Variants in FCRL2 observed in about 807,000 individuals in gnomAD.
FCRL2 encodes the protein Fc receptor like 2.
A neutral mutation model predicts 59.8 loss-of-function variants in FCRL2; 48 were observed. That is an observed-to-expected ratio of 0.80 (90% CI 0.64 to 1.02). FCRL2 has a LOEUF of 1.02. Among genes scored for constraint, FCRL2 ranks in the 50% least tolerant of loss-of-function variants. The pLI, the probability that FCRL2 is intolerant of heterozygous loss-of-function variation, is 0.00. For synonymous variants in FCRL2, 251 were observed against 229.5 expected (o/e 1.09, Z -0.85); for missense variants, 658 against 597.3 (o/e 1.10, Z -1.06).
chr1:157,774,553 C>T lies in FCRL2; in HGVS notation c.52+1222G>A, dbSNP rs112906142. 4,143 of 443,536 alleles carry T rather than the reference C, an allele frequency of 9.3e-3. 28 individuals are homozygous for T. The highest frequency in any genetic ancestry group is 0.013 in the Admixed American group (539 of 41,220). The allele number at this position is 443,536 out of a possible 1,614,324, so 27.5% of individuals were successfully genotyped here. Reference sequence around the variant, plus strand: ...GAAAGAGAATGAAGTGGCTGTTGCCCTGTTCTCTGAATGGTCGTAGGTGAT... The same window carrying T: ...GAAAGAGAATGAAGTGGCTGTTGCCTTGTTCTCTGAATGGTCGTAGGTGAT... On this transcript the variant is annotated intron_variant, in intron 2 of 11. Coordinates refer to ENST00000361516, the MANE Select transcript of FCRL2 (RefSeq NM_030764.4).
At chr1:157,756,618 G>T (rs1006722857) in intron 7 of FCRL2, among the ~76,000 whole-genome samples, 3 of 150,658 alleles carry the variant, frequency 2.0e-5, no homozygotes, top group Non-Finnish European at 4.4e-5. Context: ...CATCAAGCCC[G>T]CAGTGAGCCA....
In FCRL2 at chr1:157,770,593, C is replaced by T. The variant is rs763700453; in HGVS notation, c.126G>A (p.Gln42=). 5.0e-6 allele frequency: 8 copies of T among 1,614,056 alleles called. No homozygotes were observed. In the African/African-American group the frequency reaches 9.3e-5, roughly 19 times the overall value. Residue 42 remains glutamine (Q), a synonymous_variant, in exon 3 of 12, where the codon CAG becomes CAA. Coordinates refer to ENST00000361516, the MANE Select transcript of FCRL2 (RefSeq NM_030764.4). ...AAGCCATCTTCTGAATTTTCCAGTT[C>T]TGTTCTCCCTGGCATTTCAGAACGA... is the stretch of plus-strand genomic sequence containing the variant. ...DSIVLKCQGE[Q]NWKIQKMAYH... is the part of the protein sequence containing the mutation.
Position 157,766,845 on chromosome 1 carries a change from T to C in FCRL2, c.1279+10A>G. ...AGCAAAATATGGAGAATCCAAATGG[T>C]AGATACAACCTGATATCTTGTGGAA... On this transcript the variant is annotated intron_variant, in intron 7 of 11. Transcript: ENST00000361516. 3 of 1,614,130 alleles carry C rather than the reference T, an allele frequency of 1.9e-6. No individual in the cohort carries two copies. The highest frequency in any genetic ancestry group is 2.5e-6 in the Non-Finnish European group (3 of 1,180,012).
At position 157,745,863 on chromosome 1, in the gene FCRL2, C is replaced by T. The variant is rs1348295322; in HGVS notation, c.*873G>A. 6.6e-6 allele frequency: 1 copy of T among 152,148 alleles called. No homozygotes were observed. The highest frequency in any genetic ancestry group is 1.9e-4 in the East Asian group (1 of 5,198). 9.4% of individuals were successfully genotyped at this position (152,148 alleles called of 1,614,324 possible). On this transcript the variant is annotated 3_prime_UTR_variant, in exon 12 of 12. Coordinates refer to ENST00000361516, the MANE Select transcript of FCRL2 (RefSeq NM_030764.4). ...GCATACTTTGGTGATATTGCAGGTT[C>T]AGTTCCAGACTACCAAAATAAAACA...
Position 157,755,073 on chromosome 1 carries a change from A to G in FCRL2, c.1280-5396T>C, listed in dbSNP as rs56175254. 7.7e-3 allele frequency among the ~76,000 whole-genome samples: 1,175 copies of G among 152,322 alleles called. 15 individuals are homozygous for G. Among genetic ancestry groups the G allele is most frequent in the Non-Finnish European group, 0.012 (783 of 68,028 alleles). ...AAACCTAGAACCCATAAAAGAAGAT[A>G]CTGATAAGTTAGACCACATAACAAT... is the stretch of plus-strand genomic sequence containing the variant. On this transcript the variant is annotated intron_variant, in intron 7 of 11. Coordinates refer to ENST00000361516, the MANE Select transcript of FCRL2 (RefSeq NM_030764.4).
In FCRL2 at chr1:157,768,093, G is replaced by A. The variant is rs185147785; in HGVS notation, c.883+321C>T. ...AAGGAGATGACATAAAATGAAGCAG[G>A]CTGTTACCACTATGAACCTTTTAGA... is the stretch of plus-strand genomic sequence containing the variant. On this transcript the variant is annotated intron_variant, in intron 5 of 11. Coordinates refer to ENST00000361516, the MANE Select transcript of FCRL2 (RefSeq NM_030764.4). 13 of 269,306 alleles carry A rather than the reference G, an allele frequency of 4.8e-5. No individual in the cohort carries two copies. The East Asian group carries it at 1.1e-3, about 22-fold the overall frequency. The allele number at this position is 269,306 out of a possible 1,614,324, so 16.7% of individuals were successfully genotyped here.
At chr1:157,762,387 A>G (rs935287542) in intron 7 of FCRL2, among the ~76,000 whole-genome samples, 7 of 152,258 alleles carry the variant, frequency 4.6e-5, no homozygotes, top group Admixed American at 1.3e-4. Context: ...TGCCTGGCCC[A>G]GCATAGCCAC....
chr1:157,776,938 A>G lies in FCRL2; in HGVS notation c.31+105T>C. The stretch of plus-strand genomic sequence containing the variant: ...AAGCCCAAGCTGCAGGCAGGACCTG[A>G]GCATCCCCACCAGTCCCTGGGCTCC... On this transcript the variant is annotated intron_variant, in intron 1 of 11. Transcript: ENST00000361516. The G allele has an allele frequency of 2.7e-6, 3 of 1,095,644 alleles. No individual in the cohort carries two copies. In the African/African-American group the frequency reaches 4.6e-5, roughly 17 times the overall value. The allele number at this position is 1,095,644 out of a possible 1,614,324, so 67.9% of individuals were successfully genotyped here.
chr1:157,775,865 T>C, intron 1 of FCRL2, 70 bp from the exon 2 acceptor site: 1 of 1,534,944 alleles, frequency 6.5e-7, no homozygotes, highest in Non-Finnish European at 8.9e-7. Flanking sequence ...TTTATATTAC[T>C]CTGGTAAATT....
At chr1:157,766,075 T>A (rs367908771) in intron 7 of FCRL2, among the ~76,000 whole-genome samples, 2 of 152,128 alleles carry the variant, frequency 1.3e-5, no homozygotes, top group African/African-American at 2.4e-5. Flanking sequence ...CTTCTTATGA[T>A]CTATATCATG....
intron 7 of FCRL2, among the ~76,000 whole-genome samples, chr1:157,765,653 A>G (rs1008612356): frequency 6.6e-6 from 1 of 152,144 alleles, no homozygotes; most frequent in Non-Finnish European, 1.5e-5. Context: ...TGCTTTTGAC[A>G]GTGTTGTGGG....
In FCRL2 at chr1:157,770,031, A is replaced by G; in HGVS notation, c.430T>C (p.Cys144Arg). 6.2e-7 allele frequency: 1 copy of G among 1,614,224 alleles called. No individual in the cohort carries two copies. Among genetic ancestry groups the G allele is most frequent in the Non-Finnish European group, 8.5e-7 (1 of 1,180,030 alleles). The change falls in exon 4 of 12, where the codon TGC becomes CGC. Residue 144 changes from cysteine (C) to arginine (R), a missense_variant. Transcript: ENST00000361516. ...PQRLDVQLQF[C>R]FFRENQVLGS... ...AGGACCTGGTTTTCTCTGAAGAAGC[A>G]GAACTGGAGTTGAACATCCAACCTC...
chr1:157,766,623 T>G, intron 7 of FCRL2: 1 of 546,892 alleles, frequency 1.8e-6, no homozygotes, highest in Non-Finnish European at 3.0e-6. Flanking sequence ...GGAAAGAATG[T>G]GTAAATAATT....
intron 1 of FCRL2, 61 bp downstream of exon 1, chr1:157,776,982 T>C: frequency 6.6e-7 from 1 of 1,513,158 alleles, no homozygotes; most frequent in Non-Finnish European, 9.2e-7. Flanking sequence ...CTCCAACCTT[T>C]TGGGAGCAGT....
At chr1:157,765,082 C>A (rs771638384) in intron 7 of FCRL2, among the ~76,000 whole-genome samples, 1 of 151,862 alleles carries the variant, frequency 6.6e-6, no homozygotes, top group Non-Finnish European at 1.5e-5. Flanking sequence ...CTAGACTAGC[C>A]AAGAAAAGAA....
intron 9 of FCRL2, 63 bp downstream of exon 9, chr1:157,748,812 C>T (rs541279417): frequency 3.4e-5 from 51 of 1,513,414 alleles, no homozygotes; most frequent in South Asian, 1.7e-4. Flanking sequence ...TAATGGTCTC[C>T]GCTCCTGTCT....
Position 157,770,588 on chromosome 1 carries a change from C to G in FCRL2, c.131G>C (p.Trp44Ser). 6.2e-7 allele frequency: 1 copy of G among 1,614,154 alleles called. No individual in the cohort carries two copies. The highest frequency in any genetic ancestry group is 8.5e-7 in the Non-Finnish European group (1 of 1,180,018). The change falls in exon 3 of 12, where the codon TGG becomes TCG. Residue 44 changes from tryptophan to serine, a missense_variant. Physicochemically the swap from Trp to Ser is radical, Grantham distance 177. Transcript: ENST00000361516. ...ATGGTAAGCCATCTTCTGAATTTTC[C>G]AGTTCTGTTCTCCCTGGCATTTCAG... ...IVLKCQGEQN[W>S]KIQKMAYHKD... is the part of the protein sequence containing the mutation.
intron 3 of FCRL2, 61 bp from the exon 4 acceptor site, chr1:157,770,211 C>G (rs1649894459): frequency 6.3e-7 from 1 of 1,578,944 alleles, no homozygotes; most frequent in Non-Finnish European, 8.6e-7. Context: ...TGCTGAAAAG[C>G]CTCTGGCAAG....
chr1:157,746,696 C>T lies in FCRL2; in HGVS notation c.*40G>A. 2 of 1,593,200 alleles carry T rather than the reference C, an allele frequency of 1.3e-6. No homozygotes were observed. The highest frequency in any genetic ancestry group is 1.1e-5 in the South Asian group (1 of 90,572). On this transcript the variant is annotated 3_prime_UTR_variant, in exon 12 of 12. Transcript: ENST00000361516. ...TTTATAGCAAGTCTTAATGATGCCC[C>T]ATCCTTGCTGTTGATCTTCCCTTCT...
Sources: gnomAD v4.1 joint callset for allele counts (sites outside exome capture counted in the v4.1 genomes callset) on GRCh38, gnomAD v4.1.1 for gene constraint, MANE v1.5 for transcripts, NCBI Gene and HGNC (gene_info 2026-07-23, HGNC 2026-07-21) for gene names.